Variants in AK5 observed in about 807,000 individuals in gnomAD.
The protein encoded by AK5 is adenylate kinase 5, also known as adenylate kinase isoenzyme 5.
AK5 carries 27 observed loss-of-function variants against 69.5 expected under a neutral mutation model. The ratio of observed to expected loss-of-function variants is 0.39; its 90% CI spans 0.29 to 0.54. The LOEUF is 0.54. Among genes scored for constraint, AK5 ranks in the 20% least tolerant of loss-of-function variants. AK5 has a pLI of 0.71. For missense variants in AK5, 531 were observed against 700.4 expected (o/e 0.76, Z 2.73); for synonymous variants, 260 against 244.4 (o/e 1.06, Z -0.60).
intron 10 of AK5, among the ~76,000 whole-genome samples, chr1:77,512,242 T>C (rs114004253): frequency 6.6e-6 from 1 of 151,620 alleles, no homozygotes; most frequent in African/African-American, 2.4e-5. Flanking sequence ...TGTGTGTGTG[T>C]GAGAGAGAGA....
intron 6 of AK5, among the ~76,000 whole-genome samples, chr1:77,396,268 G>A (rs1039319249): frequency 2.6e-5 from 4 of 152,136 alleles, no homozygotes; most frequent in Admixed American, 6.5e-5. Context: ...TGCCCATGGA[G>A]GTAAATGTCA....
At chr1:77,538,346 A>C (rs1263115260) in intron 13 of AK5, among the ~76,000 whole-genome samples, 1 of 150,748 alleles carries the variant, frequency 6.6e-6, no homozygotes, top group African/African-American at 2.4e-5. Context: ...CTCAAAAAAA[A>C]ACAACAACAA....
intron 12 of AK5, among the ~76,000 whole-genome samples, chr1:77,529,280 T>C (rs1184929402): frequency 6.6e-6 from 1 of 152,046 alleles, no homozygotes; most frequent in Admixed American, 6.5e-5. Flanking sequence ...ACACATTTCA[T>C]TTGATTAATT....
chr1:77,454,462 CT>C (rs1345450049), intron 8 of AK5, among the ~76,000 whole-genome samples: 1 of 152,128 alleles, frequency 6.6e-6, no homozygotes, highest in African/African-American at 2.4e-5. Flanking sequence ...ATCTAGCTAG[CT>C]TTATTTCTAG....
chr1:77,550,315 A>G (rs1659761162), intron 13 of AK5, among the ~76,000 whole-genome samples: 1 of 152,176 alleles, frequency 6.6e-6, no homozygotes, highest in South Asian at 2.1e-4. Context: ...TTAAGACCTC[A>G]TACATTCTGA....
intron 10 of AK5, among the ~76,000 whole-genome samples, chr1:77,489,782 G>A (rs1488984301): frequency 6.6e-6 from 1 of 152,140 alleles, no homozygotes; most frequent in African/African-American, 2.4e-5. Context: ...TTTGTCCACA[G>A]AAAGGTCCAG....
At chr1:77,464,280 C>T (rs1308652960) in intron 8 of AK5, among the ~76,000 whole-genome samples, 1 of 152,168 alleles carries the variant, frequency 6.6e-6, no homozygotes, top group Admixed American at 6.5e-5. Flanking sequence ...CCAGGTTCCA[C>T]ACAGGAAGAG....
chr1:77,449,965 C>T (rs1345864031), intron 8 of AK5, among the ~76,000 whole-genome samples: 1 of 152,216 alleles, frequency 6.6e-6, no homozygotes, highest in Admixed American at 6.5e-5. Flanking sequence ...TTAACAACAC[C>T]CAAGTCACAT....
intron 13 of AK5, among the ~76,000 whole-genome samples, chr1:77,547,759 CTTAA>C (rs1404995831): frequency 6.6e-6 from 1 of 152,060 alleles, no homozygotes; most frequent in Non-Finnish European, 1.5e-5. Flanking sequence ...AAATATAGTT[CTTAA>C]TTTTCCAAAA....
At chr1:77,525,678 C>G (rs984608845) in intron 12 of AK5, among the ~76,000 whole-genome samples, 8 of 152,230 alleles carry the variant, frequency 5.3e-5, no homozygotes, top group African/African-American at 1.7e-4. Context: ...ACTTCCAACA[C>G]TGGCGGTCAC....
chr1:77,356,421 G>A (rs1254672249), intron 6 of AK5, among the ~76,000 whole-genome samples: 4 of 152,178 alleles, frequency 2.6e-5, no homozygotes, highest in Non-Finnish European at 5.9e-5. Context: ...ACAAGTGAAA[G>A]CAACTCTTGT....
At chr1:77,324,318 CGTGTGTGTGTGTGTGT>C (rs10547281) in intron 5 of AK5, among the ~76,000 whole-genome samples, 17 of 148,800 alleles carry the variant, frequency 1.1e-4, no homozygotes, top group African/African-American at 2.0e-4. Context: ...TCACCATTTG[CGTGTGTGTGTGTGTGT>C]GTGTGTGTGT....
chr1:77,508,878 AAAG>A (rs1358650055), intron 10 of AK5, among the ~76,000 whole-genome samples: 1 of 151,858 alleles, frequency 6.6e-6, no homozygotes, highest in Non-Finnish European at 1.5e-5. Flanking sequence ...AAAAAAAAAA[AAAG>A]AAGAAGGTGG....
chr1:77,379,081 C>T lies in AK5; in HGVS notation c.892-31900C>T, dbSNP rs548596310. Among the ~76,000 whole-genome samples, 11 of 152,298 alleles carry T rather than the reference C, an allele frequency of 7.2e-5. No individual in the cohort carries two copies. In the East Asian group the frequency reaches 2.1e-3, roughly 29 times the overall value. On this transcript the variant is annotated intron_variant, in intron 6 of 13. Transcript: ENST00000354567. ...AGGCCCACAGTTTTGTGGCCAGAAC[C>T]TGTCATGTGTTCTTTGATCTTTGTG...
At chr1:77,479,192 T>C (rs1199547279) in intron 8 of AK5, among the ~76,000 whole-genome samples, 6 of 127,216 alleles carry the variant, frequency 4.7e-5, no homozygotes, top group Non-Finnish European at 7.9e-5. Flanking sequence ...CAACCTGAAA[T>C]TGTCTTTTTT....
chr1:77,534,170 C>T (rs1253056985), intron 12 of AK5, among the ~76,000 whole-genome samples: 3 of 152,142 alleles, frequency 2.0e-5, no homozygotes, highest in African/African-American at 7.2e-5. Flanking sequence ...ACTTTGTTCT[C>T]ATCCCACCCC....
At chr1:77,341,721 T>C (rs973556790) in intron 6 of AK5, among the ~76,000 whole-genome samples, 1 of 152,198 alleles carries the variant, frequency 6.6e-6, no homozygotes, top group African/African-American at 2.4e-5. Flanking sequence ...CGTGATTTGC[T>C]CTTTGAGTCA....
At chr1:77,410,532 G>A (rs941732752) in intron 6 of AK5, among the ~76,000 whole-genome samples, 8 of 151,974 alleles carry the variant, frequency 5.3e-5, no homozygotes, top group South Asian at 2.1e-4. Context: ...TGCCCACCTC[G>A]GCCTCCCAAA....
At position 77,282,277 on chromosome 1, in the gene AK5, C is replaced by A. The variant is rs1448811232; in HGVS notation, c.-37C>A. 2 of 1,536,966 alleles carry A rather than the reference C, an allele frequency of 1.3e-6. No individual in the cohort carries two copies. Among genetic ancestry groups the A allele is most frequent in the Non-Finnish European group, 1.8e-6 (2 of 1,139,810 alleles). On this transcript the variant is annotated 5_prime_UTR_variant, in exon 1 of 14. Coordinates refer to ENST00000354567, the MANE Select transcript of AK5 (RefSeq NM_174858.3). ...GCTCAGGTCGCCGCAGCCCGGGAGC[C>A]TCCCCGCTTGCGCCCCAAGGCACGC...
Sources: allele counts gnomAD v4.1 joint callset (sites outside exome capture counted in the v4.1 genomes callset), GRCh38; gene constraint gnomAD v4.1.1; transcripts MANE v1.5; gene names NCBI Gene and HGNC (gene_info 2026-07-23, HGNC 2026-07-21).